EFCAB3: variants seen among roughly 807,000 people sequenced by gnomAD.
The protein encoded by EFCAB3 is EF-hand calcium-binding domain-containing protein 3.
Under a neutral mutation model 42.2 loss-of-function variants are expected in EFCAB3, and 36 were observed. That is an observed-to-expected ratio of 0.85 (90% CI 0.65 to 1.13). The LOEUF is 1.13. Among genes scored for constraint, EFCAB3 ranks in the 50% most tolerant of loss-of-function variants. The pLI is 0.00. For missense variants in EFCAB3, 418 were observed against 505.1 expected, an observed-to-expected ratio of 0.83 and a Z score of 1.65; for synonymous variants, 170 against 172.8, an observed-to-expected ratio of 0.98 and a Z score of 0.13.
chr17:62,382,972 C>T lies in EFCAB3; in HGVS notation c.-8C>T. 1 of 1,612,780 alleles carries T rather than the reference C, an allele frequency of 6.2e-7. No individual in the cohort carries two copies. The highest frequency in any genetic ancestry group is 8.5e-7 in the Non-Finnish European group (1 of 1,179,618). On this transcript the variant is annotated 5_prime_UTR_variant, in exon 2 of 10. Transcript: ENST00000305286. Reference sequence around the variant, plus strand: ...ATATTCTGAATTCCAGACAGAGTCACTGGCCACATGGCAGTTTCAGAAATT... The same window carrying T: ...ATATTCTGAATTCCAGACAGAGTCATTGGCCACATGGCAGTTTCAGAAATT...
At chr17:62,375,750 G>A (rs1442384412), upstream of EFCAB3, among the ~76,000 whole-genome samples, 1 of 152,118 alleles carries the variant, frequency 6.6e-6, no homozygotes, top group Non-Finnish European at 1.5e-5. Flanking sequence ...TATCAGAATT[G>A]GCTCTTAACC....
chr17:62,370,235 C>A, exon 1 of EFCAB3: 1 of 1,538,444 alleles, frequency 6.5e-7, no homozygotes, highest in Non-Finnish European at 8.8e-7. Flanking sequence ...TGATTGATGT[C>A]CAGAACTTAG....
At chr17:62,403,034 AG>A (rs1454594659) in intron 6 of EFCAB3, among the ~76,000 whole-genome samples, 1 of 152,218 alleles carries the variant, frequency 6.6e-6, no homozygotes, top group Non-Finnish European at 1.5e-5. Flanking sequence ...ATATGTGTCC[AG>A]GAATTTATCC....
chr17:62,377,890 G>C, upstream of EFCAB3: 1 of 1,155,230 alleles, frequency 8.7e-7, no homozygotes. Flanking sequence ...AAAAAAATAA[G>C]ATAAATTATG....
chr17:62,370,484 G>A (rs945581168), intron 1 of EFCAB3, among the ~76,000 whole-genome samples: 4 of 152,002 alleles, frequency 2.6e-5, no homozygotes, highest in Non-Finnish European at 5.9e-5. Flanking sequence ...GTGGAACCTC[G>A]TCTTTACTAA....
chr17:62,406,550 A>G lies in EFCAB3; in HGVS notation c.559A>G (p.Lys187Glu). Reference protein sequence around the residue: ...LWSPYTMGYGKRTLKPDICTP... With the variant: ...LWSPYTMGYGERTLKPDICTP... ...GAGTCCCTACACTATGGGCTATGGA[A>G]AAAGGACACTTAAGCCAGACATATG... Residue 187 changes from lysine (K) to glutamate (E), a missense_variant, in exon 7 of 10, where the codon AAA becomes GAA. By Grantham distance (56) the Lys-to-Glu change is moderately conservative (BLOSUM62 1). Coordinates refer to ENST00000305286, the MANE Select transcript of EFCAB3 (RefSeq NM_173503.4). The G allele has an allele frequency of 3.7e-6, 6 of 1,614,102 alleles. No individual in the cohort carries two copies. Among genetic ancestry groups the G allele is most frequent in the Non-Finnish European group, 5.1e-6 (6 of 1,179,994 alleles).
At chr17:62,404,982 G>C (rs183341032) in intron 6 of EFCAB3, among the ~76,000 whole-genome samples, 1 of 152,322 alleles carries the variant, frequency 6.6e-6, no homozygotes, top group East Asian at 1.9e-4. Context: ...AACTTGCACT[G>C]TGTCAGAATC....
Position 62,380,619 on chromosome 17 carries a change from T to C in EFCAB3, c.-18+6T>C, listed in dbSNP as rs566828361. The C allele has an allele frequency of 1.0e-6, 1 of 984,458 alleles. No individual in the cohort carries two copies. Among genetic ancestry groups the C allele is most frequent in the South Asian group, 4.7e-5 (1 of 21,268 alleles). The allele number at this position is 984,458 out of a possible 1,614,324, so 61.0% of individuals were successfully genotyped here. On this transcript the variant is annotated splice_donor_region_variant and intron_variant, in intron 1 of 9. Coordinates refer to ENST00000305286, the MANE Select transcript of EFCAB3 (RefSeq NM_173503.4). ...GTAGCACGGCTTAAAAGTAGGTAAA[T>C]ATCGTGATTTTGTAGGATTCTATGC...
In EFCAB3 at chr17:62,406,598, G is replaced by T; in HGVS notation, c.607G>T (p.Ala203Ser). ...ATGCACACCTCCAAGCTCAAGCATG[G>T]CTGCCTTTGCTAATGCTGCCCGGAT... ...DICTPPSSSM[A>S]AFANAARIAI... The change falls in exon 7 of 10, where the codon GCT becomes TCT. Residue 203 changes from alanine (A) to serine (S), a missense_variant. Physicochemically the swap from Ala to Ser is moderately conservative, Grantham distance 99. Transcript: ENST00000305286. 3 of 1,614,030 alleles carry T rather than the reference G, an allele frequency of 1.9e-6. No homozygotes were observed. Among genetic ancestry groups the T allele is most frequent in the Non-Finnish European group, 2.5e-6 (3 of 1,180,002 alleles).
intron 6 of EFCAB3, 74 bp downstream of exon 6, chr17:62,395,262 C>T (rs11079476): frequency 0.87 from 1,361,338 of 1,563,346 alleles, 606,480 homozygotes; most frequent in Non-Finnish European, 0.93. Context: ...CAGTCAGCTC[C>T]CACTAACATC....
intron 1 of EFCAB3, among the ~76,000 whole-genome samples, chr17:62,370,514 G>A (rs1055244829): frequency 3.9e-5 from 6 of 152,076 alleles, no homozygotes; most frequent in African/African-American, 1.4e-4. Flanking sequence ...AAATTAACTG[G>A]GCGTGGTGGT....
chr17:62,377,467 A>G (rs148867402), upstream of EFCAB3, among the ~76,000 whole-genome samples: 147 of 152,288 alleles, frequency 9.7e-4, no homozygotes, highest in East Asian at 0.025. Context: ...TTAAATCTGT[A>G]CTATTAAGGT....
chr17:62,410,439 GA>G (rs1283175083), intron 8 of EFCAB3, among the ~76,000 whole-genome samples: 1 of 151,934 alleles, frequency 6.6e-6, no homozygotes, highest in African/African-American at 2.4e-5. Flanking sequence ...CCCACACATA[GA>G]CTCCCTATGA....
At chr17:62,381,629 A>G (rs1203068186) in intron 1 of EFCAB3, 2 of 187,758 alleles carry the variant, frequency 1.1e-5, no homozygotes, top group Non-Finnish European at 2.2e-5. Context: ...GATCGCACGC[A>G]TGGAGGCCTT....
chr17:62,402,585 G>C (rs1436205776), intron 6 of EFCAB3, among the ~76,000 whole-genome samples: 1 of 152,038 alleles, frequency 6.6e-6, no homozygotes, highest in Non-Finnish European at 1.5e-5. Context: ...TATATGATGG[G>C]TTATGTTTAT....
chr17:62,395,259 C>T, intron 6 of EFCAB3, 71 bp downstream of exon 6: 1 of 1,575,680 alleles, frequency 6.3e-7, no homozygotes. Flanking sequence ...TGGCAGTCAG[C>T]TCCCACTAAC....
chr17:62,376,085 T>G (rs1413485343), upstream of EFCAB3, among the ~76,000 whole-genome samples: 1 of 152,118 alleles, frequency 6.6e-6, no homozygotes, highest in African/African-American at 2.4e-5. Context: ...TAAAGAAAAT[T>G]TAGATGTTTT....
rs1431578835 is a variant in EFCAB3 at position 62,382,962 on chromosome 17, G to A, written c.-17-1G>A. 2.5e-6 allele frequency: 4 copies of A among 1,610,124 alleles called. No homozygotes were observed. The Admixed American group carries it at 6.8e-5, about 27-fold the overall frequency. On this transcript the variant is annotated splice_acceptor_variant, in intron 1 of 9. Transcript: ENST00000305286. LOFTEE classifies it low-confidence loss of function (5UTR_SPLICE). ...TCTTAATTGTATATTCTGAATTCCA[G>A]ACAGAGTCACTGGCCACATGGCAGT...
At chr17:62,379,339 G>C (rs757586095), upstream of EFCAB3, among the ~76,000 whole-genome samples, 4 of 149,488 alleles carry the variant, frequency 2.7e-5, no homozygotes, top group Non-Finnish European at 5.9e-5. Context: ...AGACTCACTT[G>C]AGCCTGGGAG....
Sources: gnomAD v4.1 joint callset for allele counts (sites outside exome capture counted in the v4.1 genomes callset) on GRCh38, gnomAD v4.1.1 for gene constraint, MANE v1.5 for transcripts, NCBI Gene and HGNC (gene_info 2026-07-23, HGNC 2026-07-21) for gene names.